Variants in CEP128 observed in about 807,000 individuals in gnomAD.
CEP128 encodes centrosomal protein 128, also known as centrosomal protein 128kDa.
A neutral mutation model predicts 156.7 loss-of-function variants in CEP128; 132 were observed. The ratio of observed to expected loss-of-function variants is 0.84; its 90% CI spans 0.73 to 0.97. The LOEUF is 0.97. CEP128 is among the 50% of genes least tolerant of loss of function. CEP128 has a pLI of 0.00. For missense variants in CEP128, 1,252 were observed against 1,281.9 expected (o/e 0.98, Z 0.36); for synonymous variants, 469 against 448.9 (o/e 1.04, Z -0.57).
intron 19 of CEP128, among the ~76,000 whole-genome samples, chr14:80,694,729 T>G (rs976240417): frequency 3.2e-4 from 46 of 144,810 alleles, no homozygotes; most frequent in African/African-American, 1.1e-3. Flanking sequence ...GAGGGGAACA[T>G]CACACACTGG....
chr14:80,631,398 T>C (rs370633363), intron 19 of CEP128, among the ~76,000 whole-genome samples: 1 of 152,066 alleles, frequency 6.6e-6, no homozygotes, highest in African/African-American at 2.4e-5. Flanking sequence ...AAAAAAATGC[T>C]GTACACTTAC....
chr14:80,823,220 T>G (rs911120789), intron 13 of CEP128, among the ~76,000 whole-genome samples: 8 of 152,226 alleles, frequency 5.3e-5, no homozygotes, highest in African/African-American at 1.9e-4. Flanking sequence ...TGGTTACCAA[T>G]GTGTCAGGCA....
intron 7 of CEP128, among the ~76,000 whole-genome samples, chr14:80,897,713 T>C (rs1296534409): frequency 6.6e-6 from 1 of 152,194 alleles, no homozygotes; most frequent in East Asian, 1.9e-4. Context: ...CCTGCTATAA[T>C]CCTGGGTCAG....
chr14:80,816,841 G>A (rs1012390678), intron 13 of CEP128, among the ~76,000 whole-genome samples: 1 of 152,096 alleles, frequency 6.6e-6, no homozygotes, highest in African/African-American at 2.4e-5. Flanking sequence ...CAAAGAGACG[G>A]CTAAGAGCCC....
At chr14:80,578,846 A>C (rs1046579317) in intron 20 of CEP128, among the ~76,000 whole-genome samples, 1 of 152,166 alleles carries the variant, frequency 6.6e-6, no homozygotes, top group African/African-American at 2.4e-5. Context: ...TAGAGTGTTA[A>C]TATCAGGCAC....
At chr14:80,608,328 A>G (rs1595082319) in intron 19 of CEP128, among the ~76,000 whole-genome samples, 1 of 152,312 alleles carries the variant, frequency 6.6e-6, no homozygotes, top group East Asian at 1.9e-4. Flanking sequence ...GCACCTAGAA[A>G]AGTGCTGGGC....
intron 19 of CEP128, among the ~76,000 whole-genome samples, chr14:80,681,367 C>A (rs1330562810): frequency 6.6e-6 from 1 of 152,156 alleles, no homozygotes; most frequent in Non-Finnish European, 1.5e-5. Context: ...GCGACACCAC[C>A]AATAGATCAC....
intron 17 of CEP128, among the ~76,000 whole-genome samples, chr14:80,759,108 C>T (rs576031384): frequency 7.2e-5 from 11 of 152,328 alleles, no homozygotes; most frequent in African/African-American, 2.4e-4. Context: ...GAGAATGATA[C>T]ATCTTAATTC....
At chr14:80,588,222 G>A (rs1363564237) in intron 19 of CEP128, among the ~76,000 whole-genome samples, 1 of 152,010 alleles carries the variant, frequency 6.6e-6, no homozygotes, top group Non-Finnish European at 1.5e-5. Flanking sequence ...CCTCAGAAGT[G>A]GAATAATGGT....
intron 20 of CEP128, among the ~76,000 whole-genome samples, chr14:80,563,069 C>T (rs935273967): frequency 3.3e-5 from 5 of 152,100 alleles, no homozygotes; most frequent in African/African-American, 4.8e-5. Context: ...ATCTCCATAA[C>T]CTCTCCCAGT....
intron 19 of CEP128, among the ~76,000 whole-genome samples, chr14:80,638,689 G>A (rs934579581): frequency 2.0e-5 from 3 of 152,182 alleles, no homozygotes; most frequent in Non-Finnish European, 4.4e-5. Context: ...GCAGTGACTA[G>A]CATATAGTAG....
At chr14:80,519,824 C>T (rs1025255849) in intron 23 of CEP128, among the ~76,000 whole-genome samples, 1 of 152,162 alleles carries the variant, frequency 6.6e-6, no homozygotes, top group African/African-American at 2.4e-5. Flanking sequence ...CAATTTAGCA[C>T]TGTGCCATCT....
intron 19 of CEP128, among the ~76,000 whole-genome samples, chr14:80,692,631 T>C (rs984590637): frequency 1.3e-5 from 2 of 152,196 alleles, no homozygotes; most frequent in African/African-American, 2.4e-5. Context: ...CAGATTGCAA[T>C]CTCAGCCAAC....
chr14:80,511,650 C>T (rs1184273597), intron 23 of CEP128, among the ~76,000 whole-genome samples: 1 of 151,582 alleles, frequency 6.6e-6, no homozygotes, highest in Non-Finnish European at 1.5e-5. Flanking sequence ...TTAGTTTTCT[C>T]TTGCTTTCTG....
chr14:80,780,798 A>G (rs1286568586), intron 15 of CEP128, among the ~76,000 whole-genome samples: 2 of 152,220 alleles, frequency 1.3e-5, no homozygotes, highest in Non-Finnish European at 2.9e-5. Flanking sequence ...GCCACTGAGC[A>G]TCTTCTGTAT....
intron 19 of CEP128, among the ~76,000 whole-genome samples, chr14:80,691,347 G>A (rs934203344): frequency 3.9e-5 from 6 of 152,110 alleles, no homozygotes; most frequent in African/African-American, 1.4e-4. Context: ...GATGGTATCT[G>A]GAAAGAAGAG....
At chr14:80,802,729 C>T (rs1014165178) in intron 13 of CEP128, among the ~76,000 whole-genome samples, 5 of 151,772 alleles carry the variant, frequency 3.3e-5, no homozygotes, top group African/African-American at 1.2e-4. Context: ...ATACTGAAAT[C>T]CAGTTTAAGC....
chr14:80,931,688 C>T (rs571691898), intron 2 of CEP128, among the ~76,000 whole-genome samples: 178 of 152,320 alleles, frequency 1.2e-3, no homozygotes, highest in Middle Eastern at 3.4e-3. Flanking sequence ...ACAAACTCAA[C>T]CTGTCACTTC....
intron 19 of CEP128, among the ~76,000 whole-genome samples, chr14:80,605,208 G>C (rs1892729639): frequency 6.6e-6 from 1 of 152,030 alleles, no homozygotes; most frequent in South Asian, 2.1e-4. Flanking sequence ...TTTAGGCACT[G>C]TATCTTTGTA....
Sources: gnomAD v4.1 joint callset for allele counts (sites outside exome capture counted in the v4.1 genomes callset) on GRCh38, gnomAD v4.1.1 for gene constraint, MANE v1.5 for transcripts, NCBI Gene and HGNC (gene_info 2026-07-23, HGNC 2026-07-21) for gene names.